The following PARD3 variants were observed in gnomAD, a reference collection of about 807,000 sequenced individuals.
PARD3 encodes partitioning defective 3 homolog.
PARD3 carries 75 observed loss-of-function variants against 155.4 expected under a neutral mutation model. That is an observed-to-expected ratio of 0.48 (90% CI 0.40 to 0.58). PARD3 has a LOEUF of 0.58. Ranked by LOEUF, PARD3 falls within the 20% of genes least tolerant of loss-of-function variation. The pLI is 0.00. For synonymous variants in PARD3, 576 were observed against 610.5 expected, an observed-to-expected ratio of 0.94 and a Z score of 0.83; for missense variants, 1,642 against 1,721.7, an observed-to-expected ratio of 0.95 and a Z score of 0.82.
chr10:34,388,114 T>C (rs1039373232), intron 7 of PARD3, among the ~76,000 whole-genome samples: 2 of 152,142 alleles, frequency 1.3e-5, no homozygotes, highest in Non-Finnish European at 2.9e-5. Context: ...GGAAGAAGAC[T>C]GCAGAAGAGA....
intron 19 of PARD3, among the ~76,000 whole-genome samples, chr10:34,330,208 T>C (rs1381889930): frequency 2.6e-5 from 4 of 152,202 alleles, no homozygotes; most frequent in Non-Finnish European, 4.4e-5. Flanking sequence ...CAATTTTCAC[T>C]ATTAGGACTC....
At chr10:34,716,584 T>TTTTA (rs1491172671) in intron 1 of PARD3, among the ~76,000 whole-genome samples, 1 of 78,384 alleles carries the variant, frequency 1.3e-5, no homozygotes, top group Non-Finnish European at 3.0e-5. Context: ...GGATGGCTTT[T>TTTTA]CTTTTTTTTT....
intron 1 of PARD3, among the ~76,000 whole-genome samples, chr10:34,708,709 T>C (rs907876217): frequency 6.6e-6 from 1 of 152,154 alleles, no homozygotes; most frequent in Non-Finnish European, 1.5e-5. Flanking sequence ...AAATATGTCA[T>C]TAAAAAAATA....
At chr10:34,675,153 T>C (rs2093681688) in intron 2 of PARD3, among the ~76,000 whole-genome samples, 1 of 152,214 alleles carries the variant, frequency 6.6e-6, no homozygotes, top group Non-Finnish European at 1.5e-5. Context: ...ACAGGTAACC[T>C]ATAATTTATA....
intron 1 of PARD3, among the ~76,000 whole-genome samples, chr10:34,723,552 C>T (rs746191921): frequency 2.0e-5 from 3 of 152,158 alleles, no homozygotes; most frequent in Non-Finnish European, 4.4e-5. Flanking sequence ...CTTCTTTGAG[C>T]TCATATCACC....
At chr10:34,655,382 C>T (rs144939068) in intron 2 of PARD3, among the ~76,000 whole-genome samples, 1 of 152,076 alleles carries the variant, frequency 6.6e-6, no homozygotes, top group Non-Finnish European at 1.5e-5. Context: ...GTATAACACA[C>T]AATAAGCACT....
intron 1 of PARD3, among the ~76,000 whole-genome samples, chr10:34,696,832 T>C (rs1460259195): frequency 6.6e-6 from 1 of 151,938 alleles, no homozygotes; most frequent in Non-Finnish European, 1.5e-5. Flanking sequence ...GTCTGAAGAA[T>C]TTGTATTTTT....
At chr10:34,594,237 C>A (rs913867225) in intron 2 of PARD3, among the ~76,000 whole-genome samples, 2 of 152,076 alleles carry the variant, frequency 1.3e-5, no homozygotes, top group Non-Finnish European at 2.9e-5. Context: ...CTTGGAAGGA[C>A]CTAGTATGTG....
chr10:34,212,451 C>T (rs1999827), intron 22 of PARD3, among the ~76,000 whole-genome samples: 2,865 of 152,278 alleles, frequency 0.019, 79 homozygotes, highest in East Asian at 0.13. Flanking sequence ...TGCTCTTTTC[C>T]CACAGCTTTG....
In PARD3 at chr10:34,131,573, T is replaced by C. The variant is rs1335916800; in HGVS notation, c.3430A>G (p.Thr1144Ala). Residue 1144 changes from threonine to alanine, a missense_variant, in exon 23 of 25, where the codon ACT (threonine) becomes GCT (alanine). Thr to Ala is a moderately conservative substitution (Grantham distance 58, BLOSUM62 0). Around this residue, in one of 3 missense-constraint regions of PARD3, gnomAD observed 1,529 missense variants for 1,587.3 expected, o/e 0.96. Coordinates refer to ENST00000374788, the MANE Select transcript of PARD3 (RefSeq NM_001184785.2). The stretch of plus-strand genomic sequence containing the variant: ...TGTATCCGATCATGATTGCTAGGAG[T>C]TGATCTGTTACTGAAAGAGAGATGA... ...KPSPVDSNRS[T>A]PSNHDRIQRL... The C allele has an allele frequency of 1.2e-6, 2 of 1,613,718 alleles. No homozygotes were observed. Among genetic ancestry groups the C allele is most frequent in the Non-Finnish European group, 8.5e-7 (1 of 1,179,728 alleles).
At chr10:34,145,205 ATATATATATATATATATTTT>A (rs1181359372) in intron 22 of PARD3, among the ~76,000 whole-genome samples, 2 of 61,278 alleles carry the variant, frequency 3.3e-5, no homozygotes, top group African/African-American at 1.8e-4. Context: ...ATATATATAT[ATATATATATATATATATTTT>A]TTTTTTTTTT....
chr10:34,412,624 T>C (rs1845205908), intron 5 of PARD3, among the ~76,000 whole-genome samples: 1 of 152,232 alleles, frequency 6.6e-6, no homozygotes, highest in Admixed American at 6.5e-5. Flanking sequence ...AATTAAATGC[T>C]GGGAAATCGT....
intron 1 of PARD3, among the ~76,000 whole-genome samples, chr10:34,762,249 GGAGGGA>G (rs1190153155): frequency 1.4e-5 from 2 of 140,570 alleles, no homozygotes; most frequent in African/African-American, 2.6e-5. Context: ...AGAGAGGCAG[GGAGGGA>G]GAGGGAGAGA....
At chr10:34,665,840 A>ACAACAGAACAGAACAAAC (rs1554804220) in intron 2 of PARD3, among the ~76,000 whole-genome samples, 2 of 136,584 alleles carry the variant, frequency 1.5e-5, no homozygotes, top group African/African-American at 5.8e-5. Flanking sequence ...GTCTCAATTA[A>ACAACAGAACAGAACAAAC]AGAACAGAAC....
intron 1 of PARD3, among the ~76,000 whole-genome samples, chr10:34,698,392 C>T (rs184510087): frequency 1.3e-5 from 2 of 152,144 alleles, no homozygotes; most frequent in South Asian, 2.1e-4. Context: ...ATTTTCCCCC[C>T]ACTCTGTGCC....
chr10:34,813,605 C>T (rs552081643), intron 1 of PARD3, among the ~76,000 whole-genome samples: 1 of 152,164 alleles, frequency 6.6e-6, no homozygotes, highest in South Asian at 2.1e-4. Flanking sequence ...CCAAAATTAT[C>T]TTTAAAAGGC....
intron 22 of PARD3, among the ~76,000 whole-genome samples, chr10:34,176,777 C>A (rs889538080): frequency 3.9e-5 from 6 of 152,198 alleles, no homozygotes; most frequent in Non-Finnish European, 7.3e-5. Flanking sequence ...AAGGAGTAAG[C>A]AAGGCTGTGC....
At chr10:34,466,660 A>G (rs1056291648) in intron 4 of PARD3, among the ~76,000 whole-genome samples, 8 of 152,160 alleles carry the variant, frequency 5.3e-5, no homozygotes, top group African/African-American at 1.9e-4. Context: ...CTACAGACTC[A>G]TAAGAATTTA....
intron 1 of PARD3, among the ~76,000 whole-genome samples, chr10:34,785,828 T>G (rs1295169690): frequency 1.3e-5 from 2 of 152,178 alleles, no homozygotes; most frequent in Non-Finnish European, 2.9e-5. Flanking sequence ...CCACGTAACA[T>G]TCCAGAGAAG....
Sources: gnomAD v4.1 joint callset for allele counts (sites outside exome capture counted in the v4.1 genomes callset) on GRCh38, gnomAD v4.1.1 for gene constraint, gnomAD v4.1.1 regional missense constraint, MANE v1.5 for transcripts, NCBI Gene and HGNC (gene_info 2026-07-23, HGNC 2026-07-21) for gene names.